Variants in ADCK5 observed in about 807,000 individuals in gnomAD.
The protein encoded by ADCK5 is aarF domain containing kinase 5, also known as uncharacterized aarF domain-containing protein kinase 5.
A neutral mutation model predicts 64.9 loss-of-function variants in ADCK5; 43 were observed. That is an observed-to-expected ratio of 0.66 (90% CI 0.52 to 0.85). ADCK5 has a LOEUF of 0.85. Ranked by LOEUF, ADCK5 falls within the 40% of genes least tolerant of loss-of-function variation. The probability of loss-of-function intolerance (pLI) is 0.00; values close to 1 mark genes in which losing one functional copy is unlikely to be tolerated. For synonymous variants in ADCK5, 434 were observed against 342.8 expected (o/e 1.27, Z -2.94); for missense variants, 760 against 810.5 (o/e 0.94, Z 0.76).
intron 3 of ADCK5, among the ~76,000 whole-genome samples, chr8:144,385,248 G>T (rs956827902): frequency 2.0e-5 from 3 of 149,950 alleles, no homozygotes; most frequent in Admixed American, 1.3e-4. Context: ...GCAGTGGTGC[G>T]ATCTCAGCTC....
intron 3 of ADCK5, among the ~76,000 whole-genome samples, chr8:144,387,428 T>A (rs1819971843): frequency 6.6e-6 from 1 of 151,854 alleles, no homozygotes; most frequent in Admixed American, 6.6e-5. Context: ...ATTGAGACAG[T>A]CTTGCTCTGT....
chr8:144,373,983 G>A (rs1819257577), upstream of ADCK5: 2 of 1,167,588 alleles, frequency 1.7e-6, no homozygotes, highest in South Asian at 4.4e-5. Flanking sequence ...CACCGCCCAC[G>A]GGGCGGGGCT....
Position 144,392,014 on chromosome 8 carries a change from C to T in ADCK5, c.1088C>T (p.Pro363Leu), listed in dbSNP as rs782740044. Residue 363 changes from proline (P) to leucine (L), a missense_variant, in exon 10 of 15, where the codon CCT becomes CTT. By Grantham distance (98) the Pro-to-Leu change is moderately conservative. Around this residue, in one of 2 missense-constraint regions of ADCK5, gnomAD observed 427 missense variants for 518.4 expected, o/e 0.82. Transcript: ENST00000308860. ...YTGFIHSDPHPGNVLVRKGPD... is the reference protein window; with the variant it reads ...YTGFIHSDPHLGNVLVRKGPD... ...GGCTTCATCCACTCGGACCCACATC[C>T]TGGCAACGGTAGGAATTTACCCCAG... 11 of 1,612,790 alleles carry T rather than the reference C, an allele frequency of 6.8e-6. No homozygotes were observed. The highest frequency in any genetic ancestry group is 9.3e-6 in the Non-Finnish European group (11 of 1,179,978).
chr8:144,389,143 C>G (rs772892813), intron 3 of ADCK5: 42 of 402,178 alleles, frequency 1.0e-4, no homozygotes, highest in Non-Finnish European at 1.8e-4. Context: ...GGGGCCAGGC[C>G]TGGGGACACC....
chr8:144,374,592 G>A (rs1185578033), intron 1 of ADCK5, among the ~76,000 whole-genome samples: 1 of 152,124 alleles, frequency 6.6e-6, no homozygotes, highest in Non-Finnish European at 1.5e-5. Context: ...GAGGGCAGGG[G>A]CCCCGCGGGG....
rs782406043 is a variant in ADCK5, at chr8:144,392,713, A to C, written c.1520+16A>C. 17 of 1,590,218 alleles carry C rather than the reference A, an allele frequency of 1.1e-5. No individual in the cohort carries two copies. The highest frequency in any genetic ancestry group is 2.3e-5 in the East Asian group (1 of 44,434). ...TGGCTAAAAGGTCGGTGGCCCGAGG[A>C]GGCGCCCGGGCCGTGGTGGGGCTGG... is the stretch of plus-strand genomic sequence containing the variant. On this transcript the variant is annotated intron_variant, in intron 13 of 14. Coordinates refer to ENST00000308860, the MANE Select transcript of ADCK5 (RefSeq NM_174922.5).
chr8:144,382,190 A>G (rs1329715889), intron 2 of ADCK5, among the ~76,000 whole-genome samples: 2 of 146,544 alleles, frequency 1.4e-5, no homozygotes, highest in Non-Finnish European at 3.0e-5. Flanking sequence ...GGGTGTAGAA[A>G]CAGATGTGTG....
rs1564671729 is a variant in ADCK5, at chr8:144,384,506, C to T, written c.266+1276C>T. Among the ~76,000 whole-genome samples the T allele has an allele frequency of 6.6e-6, 1 of 152,202 alleles. No homozygotes were observed. Among genetic ancestry groups the T allele is most frequent in the Non-Finnish European group, 1.5e-5 (1 of 68,032 alleles). ...TGCTTGGAGTTCCTGCTGTCCCTGCCTGCAGATTTTGGGTGGCATTGTCTG... is the reference window on the plus strand; with the variant it reads ...TGCTTGGAGTTCCTGCTGTCCCTGCTTGCAGATTTTGGGTGGCATTGTCTG... On this transcript the variant is annotated intron_variant, in intron 3 of 14. Transcript: ENST00000308860. The surrounding 1 kb of genome is among the most constrained non-coding windows in gnomAD (Gnocchi z 5.7).
At chr8:144,385,640 C>T (rs1461103617) in intron 3 of ADCK5, among the ~76,000 whole-genome samples, 7 of 148,374 alleles carry the variant, frequency 4.7e-5, no homozygotes, top group Admixed American at 6.7e-5. Flanking sequence ...GAGCCAGACC[C>T]GTCTCAAAAA....
At position 144,392,102 on chromosome 8, in the gene ADCK5, G is replaced by C. The variant is rs1554860946; in HGVS notation, c.1107G>C (p.Arg369=). Reference sequence around the variant, plus strand: ...AGGCTGTATCCCTAGTTCTGGTGCGGAAAGGCCCGGACGGGAAAGCGGAGC... The same window carrying C: ...AGGCTGTATCCCTAGTTCTGGTGCGCAAAGGCCCGGACGGGAAAGCGGAGC... ...SDPHPGNVLV[R]KGPDGKAELV... The change falls in exon 11 of 15, where the codon CGG becomes CGC. Residue 369 remains arginine, a synonymous_variant. Coordinates refer to ENST00000308860, the MANE Select transcript of ADCK5 (RefSeq NM_174922.5). 1.9e-6 allele frequency: 3 copies of C among 1,600,908 alleles called. No individual in the cohort carries two copies. The highest frequency in any genetic ancestry group is 2.6e-6 in the Non-Finnish European group (3 of 1,173,130).
intron 11 of ADCK5, 23 bp from the exon 12 acceptor site, chr8:144,392,231 G>A (rs1554861075): frequency 4.5e-6 from 7 of 1,543,940 alleles, no homozygotes; most frequent in African/African-American, 4.1e-5. Flanking sequence ...GGAGCTCATG[G>A]CTGCGGGCCC....
chr8:144,392,993 G>T lies in ADCK5; in HGVS notation c.1662G>T (p.Leu554=), dbSNP rs371037595. 10 of 1,589,286 alleles carry T rather than the reference G, an allele frequency of 6.3e-6. No individual in the cohort carries two copies. The highest frequency in any genetic ancestry group is 7.7e-6 in the Non-Finnish European group (9 of 1,171,082). The part of the protein sequence containing the change: ...ALRLETLAMR[L]TALLARALVH... The stretch of plus-strand genomic sequence containing the variant: ...GGCTGGAGACCTTGGCCATGCGGCT[G>T]ACCGCCCTCCTGGCTCGTGCTCTGG... Residue 554 remains leucine (L), a synonymous_variant, in exon 15 of 15, where the codon CTG becomes CTT. Coordinates refer to ENST00000308860, the MANE Select transcript of ADCK5 (RefSeq NM_174922.5).
rs551321667 is a variant in ADCK5, at chr8:144,388,553, G to A, written c.267-2118G>A. ...GCCAAGGTGGGCGGATCACGAGGTC[G>A]GGAGATCGAGACCATCCTGGCCAAC... On this transcript the variant is annotated intron_variant, in intron 3 of 14. Coordinates refer to ENST00000308860, the MANE Select transcript of ADCK5 (RefSeq NM_174922.5). Among the ~76,000 whole-genome samples the A allele has an allele frequency of 5.7e-3, 857 of 151,560 alleles. 2 individuals carry two copies. Among genetic ancestry groups the A allele is most frequent in the African/African-American group, 0.014 (579 of 41,340 alleles).
At position 144,392,491 on chromosome 8, in the gene ADCK5, G is replaced by A. The variant is rs187052232; in HGVS notation, c.1314G>A (p.Leu438=). The change falls in exon 13 of 15, where the codon CTG becomes CTA. Residue 438 remains leucine, a synonymous_variant. Coordinates refer to ENST00000308860, the MANE Select transcript of ADCK5 (RefSeq NM_174922.5). ...TGCTCATGCAGCGCCCCGTGCGCCTGGGGCAGCTGTGGGGCTCGCACCTAC... is the reference window on the plus strand; with the variant it reads ...TGCTCATGCAGCGCCCCGTGCGCCTAGGGCAGCTGTGGGGCTCGCACCTAC... ...AEMLMQRPVR[L]GQLWGSHLLS... 1.4e-6 allele frequency: 2 copies of A among 1,441,968 alleles called. No homozygotes were observed. Among genetic ancestry groups the A allele is most frequent in the Non-Finnish European group, 1.8e-6 (2 of 1,084,288 alleles). The allele number at this position is 1,441,968 out of a possible 1,614,324, so 89.3% of individuals were successfully genotyped here. A position where few individuals can be genotyped will look rare whatever the true frequency, so the allele number is the denominator to read the frequency against.
At chr8:144,389,949 C>T (rs1475381195) in intron 3 of ADCK5, among the ~76,000 whole-genome samples, 1 of 151,626 alleles carries the variant, frequency 6.6e-6, no homozygotes, top group Admixed American at 6.6e-5. Flanking sequence ...CTGCCTCAGT[C>T]TCCCGAGTAG....
At position 144,376,358 on chromosome 8, in the gene ADCK5, T is replaced by C. The variant is rs1819364477; in HGVS notation, c.12+2251T>C. On this transcript the variant is annotated intron_variant, in intron 1 of 14. Transcript: ENST00000308860. The surrounding 1 kb of genome is among the most constrained non-coding windows in gnomAD (Gnocchi z 5.1). ...AGTTGACAGTCACGCTGGTGTGTGA[T>C]GAGGACAGTGGCAGGATAGGACCAC... 1.3e-5 allele frequency among the ~76,000 whole-genome samples: 2 copies of C among 152,126 alleles called. No individual in the cohort carries two copies. The highest frequency in any genetic ancestry group is 2.1e-4 in the South Asian group (1 of 4,826).
chr8:144,383,240 C>T lies in ADCK5; in HGVS notation c.266+10C>T, dbSNP rs201592392. ...TGGGGCGCTTTGGCAGGTAGGAGGGCCTGGCGGCAGGCAGGGGTTGCGGCG... is the reference window on the plus strand; with the variant it reads ...TGGGGCGCTTTGGCAGGTAGGAGGGTCTGGCGGCAGGCAGGGGTTGCGGCG... On this transcript the variant is annotated intron_variant, in intron 3 of 14. Coordinates refer to ENST00000308860, the MANE Select transcript of ADCK5 (RefSeq NM_174922.5). 2 of 1,559,688 alleles carry T rather than the reference C, an allele frequency of 1.3e-6. No individual in the cohort carries two copies. The highest frequency in any genetic ancestry group is 1.7e-6 in the Non-Finnish European group (2 of 1,151,478).
Position 144,384,895 on chromosome 8 carries a change from G to T in ADCK5, c.266+1665G>T, listed in dbSNP as rs782286492. ...CCCAGCAGTCTGCACGTTCTCCTTG[G>T]CTCTAAGCCGTCACGGTTGCATAGA... On this transcript the variant is annotated intron_variant, in intron 3 of 14. Transcript: ENST00000308860. The surrounding 1 kb of genome is among the most constrained non-coding windows in gnomAD (Gnocchi z 5.7). Among the ~76,000 whole-genome samples, 1 of 152,292 alleles carries T rather than the reference G, an allele frequency of 6.6e-6. No individual in the cohort carries two copies. The highest frequency in any genetic ancestry group is 1.5e-5 in the Non-Finnish European group (1 of 68,024).
rs782617934 is a variant in ADCK5 at position 144,391,626 on chromosome 8, G to A, written c.845G>A (p.Gly282Asp). The change falls in exon 8 of 15, where the codon GGC becomes GAC. Residue 282 changes from glycine (G) to aspartate (D), a missense_variant. Gly to Asp is a moderately conservative substitution (Grantham distance 94, BLOSUM62 -1). Transcript: ENST00000308860. ...LAQELDFENE[G>D]RNAERCAREL... ...CAGGAGCTGGACTTCGAGAATGAGG[G>A]CCGCAACGCAGAGCGCTGTGCGCGG... 7 of 1,564,004 alleles carry A rather than the reference G, an allele frequency of 4.5e-6. No homozygotes were observed. Among genetic ancestry groups the A allele is most frequent in the Non-Finnish European group, 6.0e-6 (7 of 1,159,458 alleles).
Sources: gnomAD v4.1 joint callset for allele counts (sites outside exome capture counted in the v4.1 genomes callset) on GRCh38, gnomAD v4.1.1 for gene constraint, gnomAD v4.1.1 regional missense constraint, Gnocchi (gnomAD v3.1) non-coding constraint, MANE v1.5 for transcripts, NCBI Gene and HGNC (gene_info 2026-07-23, HGNC 2026-07-21) for gene names.